CNTNAP2: variants seen among roughly 807,000 people sequenced by gnomAD.
CNTNAP2 encodes contactin-associated protein-like 2.
CNTNAP2 carries 98 observed loss-of-function variants against 155.2 expected under a neutral mutation model. The observed-to-expected ratio is 0.63, with a 90% CI of 0.54 to 0.75. The LOEUF (loss-of-function observed/expected upper bound fraction) is 0.75. CNTNAP2 is among the 30% of genes least tolerant of loss of function. The pLI is 0.00. For synonymous variants in CNTNAP2, 651 were observed against 631.2 expected (o/e 1.03, Z -0.47); for missense variants, 1,727 against 1,688.1 (o/e 1.02, Z -0.40).
chr7:146,602,470 T>C (rs1018337692), intron 1 of CNTNAP2, among the ~76,000 whole-genome samples: 4 of 152,222 alleles, frequency 2.6e-5, no homozygotes, highest in African/African-American at 9.6e-5. Flanking sequence ...TTTTCCACTA[T>C]GACTTTCAAT....
rs1319488479 is a variant in CNTNAP2 at position 148,153,127 on chromosome 7, T to C, written c.2773+5418T>C. Among the ~76,000 whole-genome samples the C allele has an allele frequency of 6.7e-5, 10 of 149,522 alleles. No individual in the cohort carries two copies. In the East Asian group the frequency reaches 2.0e-3, roughly 30 times the overall value. ...GGAAGGAGCAGGGACAGCCAGGCTGTGAGGCTAGAAGCAGGACGGAGTCAG... is the reference window on the plus strand; with the variant it reads ...GGAAGGAGCAGGGACAGCCAGGCTGCGAGGCTAGAAGCAGGACGGAGTCAG... On this transcript the variant is annotated intron_variant, in intron 17 of 23. Coordinates refer to ENST00000361727, the MANE Select transcript of CNTNAP2 (RefSeq NM_014141.6).
chr7:147,959,464 G>C (rs1801079057), intron 14 of CNTNAP2, among the ~76,000 whole-genome samples: 1 of 152,140 alleles, frequency 6.6e-6, no homozygotes, highest in African/African-American at 2.4e-5. Context: ...TTAAGGGCAA[G>C]CCAATGGTAG....
At chr7:148,288,065 C>T (rs1305949155) in intron 21 of CNTNAP2, among the ~76,000 whole-genome samples, 2 of 147,696 alleles carry the variant, frequency 1.4e-5, no homozygotes, top group Admixed American at 6.7e-5. Context: ...GCGGGGATTA[C>T]AGGCGTGAGC....
At chr7:146,822,339 G>A (rs570082020) in intron 2 of CNTNAP2, among the ~76,000 whole-genome samples, 1 of 152,148 alleles carries the variant, frequency 6.6e-6, no homozygotes, top group East Asian at 1.9e-4. Context: ...GGGCAGGGGG[G>A]AGTGATAGCA....
At chr7:148,058,453 A>G (rs1803064881) in intron 15 of CNTNAP2, among the ~76,000 whole-genome samples, 1 of 152,172 alleles carries the variant, frequency 6.6e-6, no homozygotes, top group Admixed American at 6.5e-5. Context: ...GGAGATGAGG[A>G]TGCAGCTTGG....
intron 11 of CNTNAP2, among the ~76,000 whole-genome samples, chr7:147,523,573 C>G (rs946334825): frequency 1.3e-5 from 2 of 152,168 alleles, no homozygotes; most frequent in African/African-American, 2.4e-5. Flanking sequence ...CTGGAGACAG[C>G]TGAAGAATTT....
intron 1 of CNTNAP2, among the ~76,000 whole-genome samples, chr7:146,471,986 G>A (rs1796805799): frequency 6.6e-6 from 1 of 152,168 alleles, no homozygotes; most frequent in Non-Finnish European, 1.5e-5. Context: ...TTGCAAGTTT[G>A]AATGAAAATG....
chr7:147,206,517 C>T (rs977990238), intron 8 of CNTNAP2, among the ~76,000 whole-genome samples: 3 of 151,958 alleles, frequency 2.0e-5, no homozygotes, highest in African/African-American at 4.8e-5. Context: ...GAGTCGAGAT[C>T]GTGACACTGC....
intron 14 of CNTNAP2, among the ~76,000 whole-genome samples, chr7:147,916,136 G>A (rs1800156480): frequency 6.6e-6 from 1 of 152,186 alleles, no homozygotes; most frequent in South Asian, 2.1e-4. Flanking sequence ...AAATTGCAAA[G>A]CTACCTGGAA....
intron 1 of CNTNAP2, among the ~76,000 whole-genome samples, chr7:146,306,694 A>G (rs1584859837): frequency 6.6e-6 from 1 of 152,212 alleles, no homozygotes. Context: ...AAATCAATAA[A>G]TGTAATCCAG....
rs535180007 is a variant in CNTNAP2 at position 146,420,294 on chromosome 7, T to C, written c.97+303321T>C. 3.3e-5 allele frequency among the ~76,000 whole-genome samples: 5 copies of C among 152,230 alleles called. No homozygotes were observed. The South Asian group carries it at 1.0e-3, about 32-fold the overall frequency. ...AGCTTGAGAGTCTTGAATAAACTTA[T>C]TCTTTGACTTAAAATGACCTGATTT... On this transcript the variant is annotated intron_variant, in intron 1 of 23. Transcript: ENST00000361727.
At chr7:147,818,333 G>T (rs1248685740) in intron 13 of CNTNAP2, among the ~76,000 whole-genome samples, 2 of 152,110 alleles carry the variant, frequency 1.3e-5, no homozygotes, top group African/African-American at 2.4e-5. Context: ...TATTAGTTCT[G>T]CTAATACAAT....
intron 1 of CNTNAP2, among the ~76,000 whole-genome samples, chr7:146,283,980 T>C (rs1554411056): frequency 6.6e-6 from 1 of 152,222 alleles, no homozygotes; most frequent in Non-Finnish European, 1.5e-5. Context: ...ATACTCCCAA[T>C]ACAAACTCTT....
At chr7:146,359,476 A>T (rs1374357751) in intron 1 of CNTNAP2, among the ~76,000 whole-genome samples, 1 of 152,226 alleles carries the variant, frequency 6.6e-6, no homozygotes, top group Non-Finnish European at 1.5e-5. Flanking sequence ...CTAATGAAGA[A>T]ACAGCATATT....
intron 20 of CNTNAP2, among the ~76,000 whole-genome samples, chr7:148,266,800 G>C (rs1796678376): frequency 6.6e-6 from 1 of 152,112 alleles, no homozygotes; most frequent in South Asian, 2.1e-4. Flanking sequence ...ACATCACCTG[G>C]AGAGCCGTTC....
intron 1 of CNTNAP2, among the ~76,000 whole-genome samples, chr7:146,303,220 C>T (rs1800645629): frequency 6.6e-6 from 1 of 151,850 alleles, no homozygotes; most frequent in Admixed American, 6.6e-5. Flanking sequence ...TAGGAAATGA[C>T]ACTTAGGCAT....
chr7:147,867,847 G>A (rs866742519), intron 13 of CNTNAP2, among the ~76,000 whole-genome samples: 18 of 152,014 alleles, frequency 1.2e-4, no homozygotes, highest in Non-Finnish European at 1.6e-4. Context: ...TTAGCCATTC[G>A]TCTAGCCTTT....
chr7:146,376,804 A>G (rs1715485188), intron 1 of CNTNAP2, among the ~76,000 whole-genome samples: 1 of 152,134 alleles, frequency 6.6e-6, no homozygotes, highest in Admixed American at 6.5e-5. Flanking sequence ...GCCCTCATGA[A>G]TAGTATTAAA....
At chr7:147,116,177 G>T (rs1432116393) in intron 5 of CNTNAP2, among the ~76,000 whole-genome samples, 1 of 152,152 alleles carries the variant, frequency 6.6e-6, no homozygotes, top group African/African-American at 2.4e-5. Context: ...CAGCAAAGTT[G>T]GCAGCCTGCT....
Sources: allele counts gnomAD v4.1 joint callset (sites outside exome capture counted in the v4.1 genomes callset), GRCh38; gene constraint gnomAD v4.1.1; transcripts MANE v1.5; gene names NCBI Gene and HGNC (gene_info 2026-07-23, HGNC 2026-07-21).